MOXD1: variants seen among roughly 807,000 people sequenced by gnomAD.
The protein encoded by MOXD1 is monooxygenase DBH like 1, also known as DBH-like monooxygenase protein 1.
Under a neutral mutation model 66.6 loss-of-function variants are expected in MOXD1, and 62 were observed. The ratio of observed to expected loss-of-function variants is 0.93; its 90% CI spans 0.76 to 1.15. The LOEUF (loss-of-function observed/expected upper bound fraction) is 1.15. MOXD1 is among the 50% of genes most tolerant of loss of function. MOXD1 has a pLI of 0.00. For synonymous variants in MOXD1, 303 were observed against 281.9 expected (o/e 1.07, Z -0.75); for missense variants, 847 against 754.6 (o/e 1.12, Z -1.44).
chr6:132,340,889 G>T (rs367930961), intron 4 of MOXD1, among the ~76,000 whole-genome samples: 2 of 151,714 alleles, frequency 1.3e-5, no homozygotes, highest in Non-Finnish European at 2.9e-5. Flanking sequence ...CTCGTGATCC[G>T]CCCGCCTCGG....
intron 9 of MOXD1, among the ~76,000 whole-genome samples, chr6:132,320,319 ACAGT>A (rs1775050816): frequency 6.6e-6 from 1 of 152,198 alleles, no homozygotes; most frequent in African/African-American, 2.4e-5. Context: ...ACTCAAGCAG[ACAGT>A]CAATTAATGA....
chr6:132,298,405 A>C (rs1455615993), intron 10 of MOXD1, among the ~76,000 whole-genome samples: 1 of 152,184 alleles, frequency 6.6e-6, no homozygotes, highest in East Asian at 1.9e-4. Flanking sequence ...CTAGTTAAAA[A>C]ATTAACTGGT....
chr6:132,312,202 G>A (rs939825424), intron 10 of MOXD1, among the ~76,000 whole-genome samples: 1 of 151,252 alleles, frequency 6.6e-6, no homozygotes, highest in African/African-American at 2.4e-5. Flanking sequence ...ATTGAGACAA[G>A]ACATAGTTGT....
chr6:132,358,952 C>T (rs1373568548), intron 4 of MOXD1, among the ~76,000 whole-genome samples: 1 of 152,100 alleles, frequency 6.6e-6, no homozygotes, highest in Non-Finnish European at 1.5e-5. Context: ...AAAAAACCCA[C>T]ATATATCACA....
In MOXD1 at chr6:132,332,286, C is replaced by G. The variant is rs146522510; in HGVS notation, c.664-3692G>C. 4.6e-5 allele frequency among the ~76,000 whole-genome samples: 7 copies of G among 152,164 alleles called. No individual in the cohort carries two copies. In the East Asian group the frequency reaches 1.4e-3, roughly 29 times the overall value. ...CACCAACCCATAAAACAACAAGGAACCTTGCTGCAAACTTGGGTACTGATC... is the reference window on the plus strand; with the variant it reads ...CACCAACCCATAAAACAACAAGGAAGCTTGCTGCAAACTTGGGTACTGATC... On this transcript the variant is annotated intron_variant, in intron 4 of 11. Coordinates refer to ENST00000367963, the MANE Select transcript of MOXD1 (RefSeq NM_015529.4).
intron 10 of MOXD1, among the ~76,000 whole-genome samples, chr6:132,315,099 C>A (rs1254785767): frequency 6.6e-6 from 1 of 152,200 alleles, no homozygotes; most frequent in Non-Finnish European, 1.5e-5. Flanking sequence ...TTATGCTGAA[C>A]AACTGCTTTC....
intron 4 of MOXD1, among the ~76,000 whole-genome samples, chr6:132,336,622 G>T (rs1460795746): frequency 6.6e-6 from 1 of 152,214 alleles, no homozygotes; most frequent in Non-Finnish European, 1.5e-5. Context: ...AGGGTGCAAT[G>T]CAAATCCTGA....
chr6:132,400,421 TTTTC>T (rs1442605744), intron 1 of MOXD1, among the ~76,000 whole-genome samples: 1 of 152,138 alleles, frequency 6.6e-6, no homozygotes, highest in Non-Finnish European at 1.5e-5. Flanking sequence ...TCCTTTTTTT[TTTTC>T]TTTCTATTTA....
chr6:132,323,802 C>A (rs374730434), intron 7 of MOXD1, 129 bp downstream of exon 7: 36 of 1,009,140 alleles, frequency 3.6e-5, no homozygotes, highest in Non-Finnish European at 4.7e-5. Context: ...ACTAAAATTG[C>A]GATAAGGGTT....
intron 4 of MOXD1, among the ~76,000 whole-genome samples, chr6:132,366,906 C>G (rs1776160199): frequency 6.6e-6 from 1 of 151,962 alleles, no homozygotes; most frequent in African/African-American, 2.4e-5. Context: ...CATTCCATGG[C>G]TATTCAATGT....
At chr6:132,298,026 C>T (rs1460519390) in intron 10 of MOXD1, 71 bp from the exon 11 acceptor site, 3 of 1,333,520 alleles carry the variant, frequency 2.2e-6, no homozygotes, top group South Asian at 1.6e-5. Context: ...TTTTCAGCAT[C>T]CTAAAATAGA....
intron 4 of MOXD1, among the ~76,000 whole-genome samples, chr6:132,366,500 G>GT (rs1384476060): frequency 1.3e-5 from 2 of 148,742 alleles, no homozygotes; most frequent in East Asian, 4.1e-4. Context: ...TTCCATCGGG[G>GT]GAAAAACTGC....
chr6:132,343,601 A>G (rs1775608153), intron 4 of MOXD1, among the ~76,000 whole-genome samples: 1 of 152,022 alleles, frequency 6.6e-6, no homozygotes, highest in Non-Finnish European at 1.5e-5. Flanking sequence ...TGGAAAAGAG[A>G]TCCACATGGT....
At chr6:132,379,308 C>T (rs2327211) in intron 1 of MOXD1, among the ~76,000 whole-genome samples, 1 of 151,992 alleles carries the variant, frequency 6.6e-6, no homozygotes, top group Admixed American at 6.6e-5. Context: ...TTATAACATT[C>T]ATTCACTGCA....
intron 4 of MOXD1, among the ~76,000 whole-genome samples, chr6:132,345,463 G>A (rs980844336): frequency 6.6e-6 from 1 of 151,934 alleles, no homozygotes; most frequent in Admixed American, 6.6e-5. Context: ...TACAGTGCAG[G>A]GTATATATAA....
rs548151872 is a variant in MOXD1, at chr6:132,324,192, A to ATCTT, written c.947-96_947-95insAAGA. The ATCTT allele has an allele frequency of 4.1e-4, 522 of 1,267,154 alleles. No individual in the cohort carries two copies. The African/African-American group carries it at 7.2e-3, about 17-fold the overall frequency. 78.5% of individuals were successfully genotyped at this position (1,267,154 alleles called of 1,614,324 possible). A position where few individuals can be genotyped will look rare whatever the true frequency, so the allele number is the denominator to read the frequency against. ...GGTTTGAATTTTTTAAAGTTTTCAT[A>ATCTT]TTCTGTTGAAATAGGTTTATTTATT... On this transcript the variant is annotated intron_variant, in intron 6 of 11. Coordinates refer to ENST00000367963, the MANE Select transcript of MOXD1 (RefSeq NM_015529.4).
In MOXD1 at chr6:132,401,213, A is replaced by T. The variant is rs1445713435; in HGVS notation, c.214T>A (p.Ser72Thr). ...ACCCCGCCCACGACGATGTCGGCGG[A>T]CGCCATGGCCCCGGTGGGCGAGAAG... ...FGFSPTGAMA[S>T]ADIVVGGVAH... The change falls in exon 1 of 12, where the codon TCC becomes ACC. Residue 72 changes from serine to threonine, a missense_variant. By Grantham distance (58) the Ser-to-Thr change is moderately conservative. Transcript: ENST00000367963. 2 of 1,564,666 alleles carry T rather than the reference A, an allele frequency of 1.3e-6. No individual in the cohort carries two copies. Among genetic ancestry groups the T allele is most frequent in the South Asian group, 2.3e-5 (2 of 86,388 alleles).
At chr6:132,314,276 T>A (rs1297157284) in intron 10 of MOXD1, among the ~76,000 whole-genome samples, 2 of 152,224 alleles carry the variant, frequency 1.3e-5, no homozygotes, top group Non-Finnish European at 2.9e-5. Context: ...AAAAGTAACC[T>A]GAATGGAATG....
At chr6:132,375,526 C>T (rs1169434663) in intron 1 of MOXD1, among the ~76,000 whole-genome samples, 1 of 152,110 alleles carries the variant, frequency 6.6e-6, no homozygotes, top group African/African-American at 2.4e-5. Context: ...CCAGGGTTCA[C>T]GCCATTCTCC....
Sources: gnomAD v4.1 joint callset for allele counts (sites outside exome capture counted in the v4.1 genomes callset) on GRCh38, gnomAD v4.1.1 for gene constraint, MANE v1.5 for transcripts, NCBI Gene and HGNC (gene_info 2026-07-23, HGNC 2026-07-21) for gene names.